The following GPM6A variants were observed in gnomAD, a reference collection of about 807,000 sequenced individuals.
GPM6A encodes neuronal membrane glycoprotein M6-a.
A neutral mutation model predicts 32.1 loss-of-function variants in GPM6A; 7 were observed. That is an observed-to-expected ratio of 0.22 (90% CI 0.12 to 0.41). The LOEUF (loss-of-function observed/expected upper bound fraction) is 0.41, where lower values mean the gene tolerates loss of function less well. Ranked by LOEUF, GPM6A falls within the 10% of genes least tolerant of loss-of-function variation. The pLI, the probability that GPM6A is intolerant of heterozygous loss-of-function variation, is 1.00. For missense variants in GPM6A, 235 were observed against 347.2 expected (o/e 0.68, Z 2.57); for synonymous variants, 130 against 123.4 (o/e 1.05, Z -0.35).
intron 1 of GPM6A, among the ~76,000 whole-genome samples, chr4:175,987,272 T>C (rs980552280): frequency 6.6e-6 from 1 of 152,232 alleles, no homozygotes; most frequent in Non-Finnish European, 1.5e-5. Context: ...GGACCATCTC[T>C]AAGTGTCTTT....
chr4:175,771,413 A>C (rs1307731654), intron 1 of GPM6A, among the ~76,000 whole-genome samples: 1 of 151,994 alleles, frequency 6.6e-6, no homozygotes, highest in African/African-American at 2.4e-5. Flanking sequence ...CTCTACTAAA[A>C]ATACAAAAAT....
chr4:175,680,138 T>C (rs759357067), intron 2 of GPM6A, among the ~76,000 whole-genome samples: 18 of 152,332 alleles, frequency 1.2e-4, no homozygotes, highest in Non-Finnish European at 2.1e-4. Flanking sequence ...TATGTGTACA[T>C]GTATGTGTGT....
At chr4:175,656,699 T>A (rs1437723811) in intron 3 of GPM6A, among the ~76,000 whole-genome samples, 1 of 152,142 alleles carries the variant, frequency 6.6e-6, no homozygotes, top group Non-Finnish European at 1.5e-5. Context: ...TCATCTGAAC[T>A]CCTATGAACT....
intron 1 of GPM6A, chr4:175,805,999 C>T (rs537139138): frequency 6.6e-6 from 1 of 152,282 alleles, no homozygotes; most frequent in African/African-American, 2.4e-5. Context: ...CATGGAAAAA[C>T]ATGAATTATT....
At position 175,873,430 on chromosome 4, in the gene GPM6A, C is replaced by T. The variant is rs140076602; in HGVS notation, c.-22-61181G>A. Among the ~76,000 whole-genome samples the T allele has an allele frequency of 3.0e-3, 462 of 152,118 alleles. 2 individuals carry two copies. The highest frequency in any genetic ancestry group is 0.01 in the Middle Eastern group (3 of 294). On this transcript the variant is annotated intron_variant, in intron 1 of 7. Transcript: ENST00000280187. ...AATGTTCCAAGTGCAGATGTTCACA[C>T]TTTAAAAATATGTAATCATTTATTT...
chr4:175,916,883 C>T (rs1465290545), intron 1 of GPM6A, among the ~76,000 whole-genome samples: 2 of 152,076 alleles, frequency 1.3e-5, no homozygotes, highest in Non-Finnish European at 2.9e-5. Context: ...AGGTGAGGTG[C>T]GGGAGAGGTT....
intron 3 of GPM6A, among the ~76,000 whole-genome samples, chr4:175,660,338 T>G (rs369285124): frequency 7.2e-5 from 11 of 151,974 alleles, no homozygotes; most frequent in African/African-American, 2.7e-4. Flanking sequence ...GAGCCGAGAT[T>G]GTGCCATTGT....
intron 1 of GPM6A, among the ~76,000 whole-genome samples, chr4:175,997,892 G>A (rs981083709): frequency 6.6e-6 from 1 of 152,010 alleles, no homozygotes; most frequent in African/African-American, 2.4e-5. Flanking sequence ...TTCTTATGTT[G>A]GGGCATTTAG....
chr4:175,749,173 G>T (rs969967685), intron 1 of GPM6A, among the ~76,000 whole-genome samples: 1 of 151,138 alleles, frequency 6.6e-6, no homozygotes, highest in African/African-American at 2.4e-5. Flanking sequence ...TATAGTATTA[G>T]ATTGGTGCAA....
intron 1 of GPM6A, among the ~76,000 whole-genome samples, chr4:175,933,411 TAC>T (rs1739116525): frequency 1.3e-5 from 2 of 152,198 alleles, no homozygotes; most frequent in South Asian, 2.1e-4. Flanking sequence ...TGTACAATGA[TAC>T]AGTTTTGGAA....
intron 1 of GPM6A, among the ~76,000 whole-genome samples, chr4:175,949,439 ACAGACCTTAAC>A (rs1258740923): frequency 5.3e-5 from 8 of 152,282 alleles, no homozygotes; most frequent in Admixed American, 4.6e-4. Flanking sequence ...TGCTAGGATT[ACAGACCTTAAC>A]CACAACACCT....
At chr4:175,769,732 A>G (rs1733113667) in intron 1 of GPM6A, among the ~76,000 whole-genome samples, 1 of 152,198 alleles carries the variant, frequency 6.6e-6, no homozygotes, top group South Asian at 2.1e-4. Context: ...TACTACCCTC[A>G]CAGTAAATGC....
Position 175,634,732 on chromosome 4 carries a change from A to G in GPM6A, c.*173T>C. On this transcript the variant is annotated 3_prime_UTR_variant, in exon 7 of 7. Coordinates refer to ENST00000393658, the MANE Select transcript of GPM6A (RefSeq NM_201591.3). The stretch of plus-strand genomic sequence containing the variant: ...GATCTGATTTACATCAATTTAATAA[A>G]TTGGGAAATTTAAGTGCTAAACAAC... 1 of 514,196 alleles carries G rather than the reference A, an allele frequency of 1.9e-6. No individual in the cohort carries two copies. Among genetic ancestry groups the G allele is most frequent in the East Asian group, 3.2e-5 (1 of 31,392 alleles). 31.9% of individuals were successfully genotyped at this position (514,196 alleles called of 1,614,324 possible).
At chr4:175,794,289 T>C (rs1314450331) in intron 1 of GPM6A, among the ~76,000 whole-genome samples, 2 of 152,222 alleles carry the variant, frequency 1.3e-5, no homozygotes, top group South Asian at 2.1e-4. Context: ...TAGCAAATGA[T>C]GTTATCTCAA....
At chr4:175,926,951 A>G (rs1738861069) in intron 1 of GPM6A, among the ~76,000 whole-genome samples, 1 of 152,232 alleles carries the variant, frequency 6.6e-6, no homozygotes, top group African/African-American at 2.4e-5. Flanking sequence ...TTACAATAGT[A>G]TTTTAGTAAA....
chr4:175,904,014 C>G (rs1449114250), intron 1 of GPM6A, among the ~76,000 whole-genome samples: 5 of 152,002 alleles, frequency 3.3e-5, no homozygotes, highest in Non-Finnish European at 7.4e-5. Context: ...GAAAACAAAA[C>G]TTGAAAGAGA....
intron 1 of GPM6A, among the ~76,000 whole-genome samples, chr4:175,873,186 CTA>C (rs1736966368): frequency 7.6e-6 from 1 of 131,848 alleles, no homozygotes; most frequent in Non-Finnish European, 1.7e-5. Flanking sequence ...TAAGTAGGTC[CTA>C]AAAAAAATCA....
chr4:175,861,419 T>G (rs1043813522), intron 1 of GPM6A, among the ~76,000 whole-genome samples: 2 of 151,448 alleles, frequency 1.3e-5, no homozygotes, highest in Non-Finnish European at 2.9e-5. Context: ...ACAAGTTCAA[T>G]AATTTTAATT....
At chr4:175,760,715 C>T (rs1045309652) in intron 1 of GPM6A, among the ~76,000 whole-genome samples, 1 of 151,766 alleles carries the variant, frequency 6.6e-6, no homozygotes, top group Non-Finnish European at 1.5e-5. Flanking sequence ...GTGAATTATT[C>T]AGTCATTAAA....
Sources: gnomAD v4.1 joint callset for allele counts (sites outside exome capture counted in the v4.1 genomes callset) on GRCh38, gnomAD v4.1.1 for gene constraint, MANE v1.5 for transcripts, NCBI Gene and HGNC (gene_info 2026-07-23, HGNC 2026-07-21) for gene names.